Variants in HIVEP2 observed in about 807,000 individuals in gnomAD.
The protein encoded by HIVEP2 is transcription factor HIVEP2.
Under a neutral mutation model 180.7 loss-of-function variants are expected in HIVEP2, and 14 were observed. The ratio of observed to expected loss-of-function variants is 0.08; its 90% confidence interval spans 0.05 to 0.12. The LOEUF is 0.12. HIVEP2 is among the 10% of genes least tolerant of loss of function. The pLI, the probability that HIVEP2 is intolerant of heterozygous loss-of-function variation, is 1.00. For synonymous variants in HIVEP2, 1,184 were observed against 1,136.4 expected, an observed-to-expected ratio of 1.04 and a Z score of -0.84; for missense variants, 2,579 against 3,008.5, an observed-to-expected ratio of 0.86 and a Z score of 3.34.
At position 142,772,873 on chromosome 6, in the gene HIVEP2, G is replaced by A. The variant is rs774659986; in HGVS notation, c.1866C>T (p.Ser622=). ...CAGGAGACAATTTCTTTTCCTTCAGGGATGAACTGCTGATACCCTTCAACA... is the reference window on the plus strand; with the variant it reads ...CAGGAGACAATTTCTTTTCCTTCAGAGATGAACTGCTGATACCCTTCAACA... ...GRMLKGISSS[S]LKEKKLSPGD... is the part of the protein sequence containing the mutation. Residue 622 remains serine (S), a synonymous_variant, in exon 5 of 10, where the codon TCC becomes TCT. Coordinates refer to ENST00000367603, the MANE Select transcript of HIVEP2 (RefSeq NM_006734.4). The surrounding 1 kb of genome is among the most constrained non-coding windows in gnomAD (Gnocchi z 4.9). 19 of 1,613,998 alleles carry A rather than the reference G, an allele frequency of 1.2e-5. No homozygotes were observed. In the South Asian group the frequency reaches 1.9e-4, roughly 16 times the overall value.
intron 2 of HIVEP2, among the ~76,000 whole-genome samples, chr6:142,826,562 T>TTTTA (rs1774909264): frequency 6.6e-6 from 1 of 152,122 alleles, no homozygotes; most frequent in African/African-American, 2.4e-5. Flanking sequence ...AATAAAACAT[T>TTTTA]TTACCACTTC....
At chr6:142,904,292 T>G (rs1260849437) in intron 1 of HIVEP2, among the ~76,000 whole-genome samples, 1 of 152,216 alleles carries the variant, frequency 6.6e-6, no homozygotes, top group Non-Finnish European at 1.5e-5. Flanking sequence ...TTTTATACAT[T>G]TACCTTTAAA....
intron 1 of HIVEP2, among the ~76,000 whole-genome samples, chr6:142,867,642 T>C (rs1776173711): frequency 6.6e-6 from 1 of 152,186 alleles, no homozygotes; most frequent in Non-Finnish European, 1.5e-5. Context: ...CATAAAGCTG[T>C]GAATGTTGGA....
chr6:142,759,502 T>C (rs1775165675), intron 9 of HIVEP2, among the ~76,000 whole-genome samples: 1 of 152,174 alleles, frequency 6.6e-6, no homozygotes, highest in African/African-American at 2.4e-5. Context: ...CGTCTATCAT[T>C]AGTTAAGTTT....
At chr6:142,802,212 C>T (rs533507780) in intron 2 of HIVEP2, among the ~76,000 whole-genome samples, 1 of 152,316 alleles carries the variant, frequency 6.6e-6, no homozygotes, top group Admixed American at 6.5e-5. Flanking sequence ...AGGATTCAAT[C>T]TTCTGCCATG....
chr6:142,754,459 C>A (rs541553931), intron 9 of HIVEP2, among the ~76,000 whole-genome samples: 51 of 152,018 alleles, frequency 3.4e-4, no homozygotes, highest in Non-Finnish European at 6.8e-4. Flanking sequence ...AAGTTTTCCA[C>A]AGAACAGATG....
At chr6:142,804,556 C>T (rs146568844) in intron 2 of HIVEP2, among the ~76,000 whole-genome samples, 2 of 152,004 alleles carry the variant, frequency 1.3e-5, no homozygotes, top group African/African-American at 4.8e-5. Context: ...AAAAAAAATA[C>T]ACATTTGGAG....
intron 1 of HIVEP2, among the ~76,000 whole-genome samples, chr6:142,841,140 C>A (rs889816697): frequency 6.6e-6 from 1 of 151,664 alleles, no homozygotes; most frequent in Non-Finnish European, 1.5e-5. Context: ...TACATTTTTT[C>A]CTGTAAATTT....
chr6:142,870,524 A>G (rs758210653), intron 1 of HIVEP2, among the ~76,000 whole-genome samples: 2 of 152,122 alleles, frequency 1.3e-5, no homozygotes, highest in African/African-American at 2.4e-5. Flanking sequence ...CTCTCAAGAG[A>G]CAGGTCATCA....
At chr6:142,822,138 A>G (rs1239373755) in intron 2 of HIVEP2, among the ~76,000 whole-genome samples, 2 of 152,026 alleles carry the variant, frequency 1.3e-5, no homozygotes, top group African/African-American at 4.8e-5. Context: ...TAACTCTCAC[A>G]CTCTAAAGCC....
chr6:142,811,198 T>TGA (rs1229134506), intron 2 of HIVEP2, among the ~76,000 whole-genome samples: 20 of 149,500 alleles, frequency 1.3e-4, no homozygotes, highest in Non-Finnish European at 2.3e-4. Flanking sequence ...TGTGTGTGTG[T>TGA]GTGAGAGAGA....
intron 2 of HIVEP2, among the ~76,000 whole-genome samples, chr6:142,830,336 C>T (rs547342894): frequency 6.6e-6 from 1 of 152,248 alleles, no homozygotes; most frequent in African/African-American, 2.4e-5. Flanking sequence ...CTTTGCTGTG[C>T]TATTTCAGCA....
intron 1 of HIVEP2, among the ~76,000 whole-genome samples, chr6:142,878,525 C>T (rs1006762802): frequency 6.6e-6 from 1 of 152,090 alleles, no homozygotes; most frequent in Non-Finnish European, 1.5e-5. Flanking sequence ...GGGATGGTGC[C>T]GGCAGTGGTC....
intron 1 of HIVEP2, among the ~76,000 whole-genome samples, chr6:142,840,676 C>A (rs1477840535): frequency 6.6e-6 from 1 of 152,122 alleles, no homozygotes; most frequent in African/African-American, 2.4e-5. Context: ...TTTCCTTCAT[C>A]ATTCCTATAT....
At chr6:142,900,777 CACAAAG>C (rs1335117835) in intron 1 of HIVEP2, among the ~76,000 whole-genome samples, 5 of 152,170 alleles carry the variant, frequency 3.3e-5, no homozygotes, top group Non-Finnish European at 5.9e-5. Context: ...GGCCTCCTTG[CACAAAG>C]ACCTTATTAT....
rs903880738 is a variant in HIVEP2 at position 142,759,798 on chromosome 6, C to T, written c.6490G>A (p.Ala2164Thr). The T allele has an allele frequency of 6.2e-7, 1 of 1,605,932 alleles. No homozygotes were observed. The highest frequency in any genetic ancestry group is 8.5e-7 in the Non-Finnish European group (1 of 1,177,470). Residue 2164 changes from alanine (A) to threonine (T), a missense_variant, in exon 9 of 10, where the codon GCA (alanine) becomes ACA (threonine). Ala to Thr is a moderately conservative substitution (Grantham distance 58). Coordinates refer to ENST00000367603, the MANE Select transcript of HIVEP2 (RefSeq NM_006734.4). Reference sequence around the variant, plus strand: ...GGAGGCCCCAATACAATTGGCTCTGCTTGCAAATACTGTCCCATGGACAAT... The same window carrying T: ...GGAGGCCCCAATACAATTGGCTCTGTTTGCAAATACTGTCCCATGGACAAT... ...PPLSMGQYLQ[A>T]EPIVLGPPNL... is the part of the protein sequence containing the mutation.
At chr6:142,921,710 T>C (rs1333964014) in intron 1 of HIVEP2, among the ~76,000 whole-genome samples, 1 of 152,168 alleles carries the variant, frequency 6.6e-6, no homozygotes, top group African/African-American at 2.4e-5. Context: ...CATGTATTAA[T>C]CTCAAACCAG....
chr6:142,774,300 T>C lies in HIVEP2; in HGVS notation c.439A>G (p.Ser147Gly), dbSNP rs934086382. The stretch of plus-strand genomic sequence containing the variant: ...ATCTTTTTTCTAGGATAACCACCAC[T>C]GTGGCCATGTATAGGAAAAGGAAAT... ...DLFPFPIHGH[S>G]GGYPRKKISS... Residue 147 changes from serine (S) to glycine (G), a missense_variant, in exon 5 of 10, where the codon AGT (serine) becomes GGT (glycine). Coordinates refer to ENST00000367603, the MANE Select transcript of HIVEP2 (RefSeq NM_006734.4). This position sits in a 1 kb window ranked among gnomAD's most constrained non-coding sequence, Gnocchi z 5.1. 3 of 1,614,086 alleles carry C rather than the reference T, an allele frequency of 1.9e-6. No individual in the cohort carries two copies. In the African/African-American group the frequency reaches 4.0e-5, roughly 22 times the overall value.
chr6:142,911,406 T>C (rs1043741537), intron 1 of HIVEP2, among the ~76,000 whole-genome samples: 4 of 152,196 alleles, frequency 2.6e-5, no homozygotes, highest in African/African-American at 7.2e-5. Context: ...CTTGGTACCA[T>C]AGTCAACACA....
Sources: allele counts gnomAD v4.1 joint callset (sites outside exome capture counted in the v4.1 genomes callset), GRCh38; gene constraint gnomAD v4.1.1; non-coding constraint Gnocchi (gnomAD v3.1); transcripts MANE v1.5; gene names NCBI Gene and HGNC (gene_info 2026-07-23, HGNC 2026-07-21).